Variants in FAR2 observed in about 807,000 individuals in gnomAD.
FAR2 encodes the protein epididymis secretory protein Li 81.
Under a neutral mutation model 56.0 loss-of-function variants are expected in FAR2, and 19 were observed. That is an observed-to-expected ratio of 0.34 (90% CI 0.24 to 0.50). The LOEUF (loss-of-function observed/expected upper bound fraction) is 0.50. FAR2 is among the 20% of genes least tolerant of loss of function. The pLI is 0.98. For missense variants in FAR2, 508 were observed against 642.2 expected (o/e 0.79, Z 2.26); for synonymous variants, 219 against 218.8 (o/e 1.00, Z -0.01).
chr12:29,306,096 C>T (rs930811163), intron 4 of FAR2, among the ~76,000 whole-genome samples: 1 of 151,832 alleles, frequency 6.6e-6, no homozygotes, highest in African/African-American at 2.4e-5. Flanking sequence ...TCAGTCAATC[C>T]ACTGTTGACC....
chr12:29,187,304 A>G (rs1408446645), intron 1 of FAR2, among the ~76,000 whole-genome samples: 3 of 152,008 alleles, frequency 2.0e-5, no homozygotes, highest in African/African-American at 7.3e-5. Context: ...TCATTTCTCT[A>G]GAGCTCAGTT....
intron 4 of FAR2, among the ~76,000 whole-genome samples, chr12:29,304,712 T>C (rs1411886141): frequency 2.6e-5 from 4 of 152,214 alleles, no homozygotes; most frequent in Non-Finnish European, 5.9e-5. Context: ...GAAGAAATTG[T>C]GTATGTGTGT....
intron 1 of FAR2, among the ~76,000 whole-genome samples, chr12:29,227,162 A>G (rs973364434): frequency 1.3e-5 from 2 of 152,208 alleles, no homozygotes; most frequent in Admixed American, 6.5e-5. Flanking sequence ...TTACGTGCCT[A>G]TAATTGTTAT....
chr12:29,259,240 G>A (rs1340203841), intron 1 of FAR2, among the ~76,000 whole-genome samples: 1 of 152,180 alleles, frequency 6.6e-6, no homozygotes, highest in Non-Finnish European at 1.5e-5. Context: ...TCAGGTGGGT[G>A]TAGTAATTTT....
At chr12:29,222,495 C>T (rs1947707262) in intron 1 of FAR2, among the ~76,000 whole-genome samples, 1 of 152,070 alleles carries the variant, frequency 6.6e-6, no homozygotes, top group South Asian at 2.1e-4. Context: ...CTATGAGGAA[C>T]TTGCTTAAGG....
intron 1 of FAR2, among the ~76,000 whole-genome samples, chr12:29,193,785 A>G (rs894048546): frequency 6.6e-6 from 1 of 152,226 alleles, no homozygotes; most frequent in African/African-American, 2.4e-5. Flanking sequence ...TTGCTGAATC[A>G]TATGGTATGA....
chr12:29,174,486 G>C (rs1949918039), intron 1 of FAR2, among the ~76,000 whole-genome samples: 2 of 125,104 alleles, frequency 1.6e-5, no homozygotes, highest in Non-Finnish European at 3.2e-5. Flanking sequence ...ACCCAGGCTA[G>C]AGTGCAGTGG....
intron 1 of FAR2, among the ~76,000 whole-genome samples, chr12:29,236,106 T>A (rs1947937452): frequency 1.3e-5 from 2 of 152,168 alleles, no homozygotes; most frequent in South Asian, 4.1e-4. Context: ...CTAAAAACAC[T>A]GATTTGATCA....
rs1949272661 is a variant in FAR2, at chr12:29,307,606, T to C, written c.546-52T>C. ...TTGATTGTGTCTCACATTTTCCTTTTGGTTTATTGTCTAACATATGTTACT... is the reference window on the plus strand; with the variant it reads ...TTGATTGTGTCTCACATTTTCCTTTCGGTTTATTGTCTAACATATGTTACT... On this transcript the variant is annotated intron_variant, in intron 4 of 11. Coordinates refer to ENST00000536681, the MANE Select transcript of FAR2 (RefSeq NM_001271783.2). 6 of 1,501,640 alleles carry C rather than the reference T, an allele frequency of 4.0e-6. No homozygotes were observed. The Admixed American group carries it at 1.1e-4, about 28-fold the overall frequency. 93.0% of individuals were successfully genotyped at this position (1,501,640 alleles called of 1,614,324 possible). A position where few individuals can be genotyped will look rare whatever the true frequency, so the allele number is the denominator to read the frequency against.
rs1042907777 is a variant in FAR2 at position 29,332,741 on chromosome 12, G to A, written c.1385+14G>A. On this transcript the variant is annotated intron_variant, in intron 11 of 11. Coordinates refer to ENST00000536681, the MANE Select transcript of FAR2 (RefSeq NM_001271783.2). Reference sequence around the variant, plus strand: ...ACGCTTAAAAAGGTAAGTATAATCAGTCAGTTAATATTTATTGAGCACCTA... The same window carrying A: ...ACGCTTAAAAAGGTAAGTATAATCAATCAGTTAATATTTATTGAGCACCTA... The A allele has an allele frequency of 1.9e-6, 3 of 1,608,844 alleles. No homozygotes were observed. In the African/African-American group the frequency reaches 4.0e-5, roughly 22 times the overall value.
At chr12:29,312,081 G>A (rs1949361517) in intron 8 of FAR2, 131 bp downstream of exon 8, 2 of 609,440 alleles carry the variant, frequency 3.3e-6, no homozygotes, top group Non-Finnish European at 5.7e-6. Context: ...ACAAAATAAT[G>A]AGAAATTGTA....
intron 1 of FAR2, among the ~76,000 whole-genome samples, chr12:29,200,646 G>A (rs12817351): frequency 0.039 from 5,908 of 152,224 alleles, 331 homozygotes; most frequent in African/African-American, 0.13. Context: ...AATAGATCTG[G>A]CTGGAGGCAG....
intron 2 of FAR2, among the ~76,000 whole-genome samples, chr12:29,290,669 A>G (rs1346103460): frequency 6.6e-6 from 1 of 152,234 alleles, no homozygotes; most frequent in Non-Finnish European, 1.5e-5. Context: ...CTACTCAGCC[A>G]TCAAAAAGAA....
At chr12:29,258,182 T>TAA (rs3032977) in intron 1 of FAR2, among the ~76,000 whole-genome samples, 5,269 of 146,086 alleles carry the variant, frequency 0.036, 142 homozygotes, top group Non-Finnish European at 0.054. Context: ...TGTCTTTACT[T>TAA]AAAAAAAAAA....
intron 1 of FAR2, among the ~76,000 whole-genome samples, chr12:29,221,937 T>C (rs1448960266): frequency 1.3e-5 from 2 of 152,118 alleles, no homozygotes; most frequent in Non-Finnish European, 2.9e-5. Flanking sequence ...AACCTCCGCC[T>C]CCCAGGTTCA....
intron 2 of FAR2, chr12:29,277,316 A>G (rs1948716610): frequency 6.6e-6 from 1 of 152,224 alleles, no homozygotes; most frequent in Non-Finnish European, 1.5e-5. Context: ...GAGGCAAAAT[A>G]AGGAAATCCG....
chr12:29,259,214 C>T (rs142613585), intron 1 of FAR2, among the ~76,000 whole-genome samples: 3 of 152,282 alleles, frequency 2.0e-5, no homozygotes, highest in East Asian at 1.9e-4. Flanking sequence ...TTGGTCATCA[C>T]GCCTGGCAGA....
intron 6 of FAR2, among the ~76,000 whole-genome samples, chr12:29,310,679 T>A: frequency 6.6e-6 from 1 of 152,218 alleles, no homozygotes; most frequent in East Asian, 1.9e-4. Flanking sequence ...GAAATTTGTA[T>A]AACCTTAATT....
chr12:29,290,538 G>T (rs1001129027), intron 2 of FAR2, among the ~76,000 whole-genome samples: 2 of 152,122 alleles, frequency 1.3e-5, no homozygotes, highest in African/African-American at 4.8e-5. Context: ...TCTCAAAGAG[G>T]TATCTGCACT....
Sources: allele counts gnomAD v4.1 joint callset (sites outside exome capture counted in the v4.1 genomes callset), GRCh38; gene constraint gnomAD v4.1.1; transcripts MANE v1.5; gene names NCBI Gene and HGNC (gene_info 2026-07-23, HGNC 2026-07-21).